Variants in GTF3C1 observed in about 807,000 individuals in gnomAD.
The protein encoded by GTF3C1 is general transcription factor IIIC subunit 1.
In GTF3C1, 57 loss-of-function variants were observed where a neutral mutation model predicts 226.7. The ratio of observed to expected loss-of-function variants is 0.25; its 90% CI spans 0.20 to 0.31. The LOEUF is 0.31. Ranked by LOEUF, GTF3C1 falls within the 10% of genes least tolerant of loss-of-function variation. GTF3C1 has a pLI of 1.00. For missense variants in GTF3C1, 2,217 were observed against 2,776.1 expected, an observed-to-expected ratio of 0.80 and a Z score of 4.53; for synonymous variants, 1,090 against 1,084.8, an observed-to-expected ratio of 1.00 and a Z score of -0.09.
At chr16:27,538,069 TTGAAA>T in intron 3 of GTF3C1, 106 bp downstream of exon 3, 1 of 1,272,282 alleles carries the variant, frequency 7.9e-7, no homozygotes, top group Non-Finnish European at 1.1e-6. Flanking sequence ...GACCACGGCC[TTGAAA>T]CAAAAAGCCA....
chr16:27,491,433 C>T (rs2088231548), intron 19 of GTF3C1, among the ~76,000 whole-genome samples: 2 of 152,188 alleles, frequency 1.3e-5, no homozygotes, highest in African/African-American at 4.8e-5. Flanking sequence ...CGACTGTGCA[C>T]CCGACACTTT....
chr16:27,492,828 C>T lies in GTF3C1; in HGVS notation c.2877-115G>A. 1.4e-6 allele frequency: 1 copy of T among 706,938 alleles called. No homozygotes were observed. Among genetic ancestry groups the T allele is most frequent in the Admixed American group, 2.1e-5 (1 of 47,562 alleles). The allele number at this position is 706,938 out of a possible 1,614,324, so 43.8% of individuals were successfully genotyped here. A position where few individuals can be genotyped will look rare whatever the true frequency, so the allele number is the denominator to read the frequency against. ...CTTCTTCTCTTTTCCACCTGGTGGT[C>T]ACTGGAGGACCAGCCTCAAGCCCAC... is the stretch of plus-strand genomic sequence containing the variant. On this transcript the variant is annotated intron_variant, in intron 17 of 36. Transcript: ENST00000356183. The surrounding 1 kb of genome is among the most constrained non-coding windows in gnomAD (Gnocchi z 5.0).
chr16:27,538,291 T>A lies in GTF3C1; in HGVS notation c.497A>T (p.Glu166Val). ...AMRYRALIGQ[E>V]GDPDLKLPDF... ...GGGCAGCTTCAGGTCGGGATCCCCC[T>A]CCTGGCCTATCAAGGCCCTGTACCG... The change falls in exon 3 of 37, where the codon GAG (glutamate) becomes GTG (valine). Residue 166 changes from glutamate (E) to valine (V), a missense_variant. This residue lies in a region of GTF3C1 where 192 missense variants were observed against 251.8 expected (regional missense o/e 0.76). Transcript: ENST00000356183. The A allele has an allele frequency of 6.2e-7, 1 of 1,607,208 alleles. No individual in the cohort carries two copies. Among genetic ancestry groups the A allele is most frequent in the South Asian group, 1.1e-5 (1 of 90,916 alleles).
rs139482772 is a variant in GTF3C1 at position 27,464,507 on chromosome 16, G to T, written c.5685C>A (p.Pro1895=). ...CATCTTCAGCTCCGGGCCCAAGGCT[G>T]GGGGCCAAATTTGAGTCCTGGAGCG... ...RPALQDSNLA[P]SLGPGAEDGA... Residue 1895 remains proline (P), a synonymous_variant, in exon 34 of 37, where the codon CCC becomes CCA. Coordinates refer to ENST00000356183, the MANE Select transcript of GTF3C1 (RefSeq NM_001520.4). The T allele has an allele frequency of 6.6e-7, 1 of 1,524,934 alleles. No individual in the cohort carries two copies. Among genetic ancestry groups the T allele is most frequent in the African/African-American group, 1.4e-5 (1 of 70,946 alleles). 94.5% of individuals were successfully genotyped at this position (1,524,934 alleles called of 1,614,324 possible). A position where few individuals can be genotyped will look rare whatever the true frequency, so the allele number is the denominator to read the frequency against.
chr16:27,478,119 T>C (rs2087980947), intron 28 of GTF3C1, among the ~76,000 whole-genome samples: 1 of 151,492 alleles, frequency 6.6e-6, no homozygotes, highest in Non-Finnish European at 1.5e-5. Flanking sequence ...TGCAGTGAGC[T>C]GAGATCAATC....
Position 27,463,401 on chromosome 16 carries a change from C to G in GTF3C1, c.5924+140G>C, listed in dbSNP as rs2087733525. ...GCCCACTGCGCCCCTCCAAGTACCC[C>G]TGCCAAGAACCAAGGTGCCGGGCAG... is the stretch of plus-strand genomic sequence containing the variant. On this transcript the variant is annotated intron_variant, in intron 35 of 36. Coordinates refer to ENST00000356183, the MANE Select transcript of GTF3C1 (RefSeq NM_001520.4). This position sits in a 1 kb window ranked among gnomAD's most constrained non-coding sequence, Gnocchi z 4.9. 1 of 680,666 alleles carries G rather than the reference C, an allele frequency of 1.5e-6. No homozygotes were observed. Among genetic ancestry groups the G allele is most frequent in the Middle Eastern group, 3.4e-4 (1 of 2,930 alleles). The allele number at this position is 680,666 out of a possible 1,614,324, so 42.2% of individuals were successfully genotyped here.
chr16:27,543,201 G>C (rs749893601), intron 2 of GTF3C1, among the ~76,000 whole-genome samples: 12 of 152,138 alleles, frequency 7.9e-5, no homozygotes, highest in Admixed American at 1.3e-4. Context: ...GCCTAGCCAA[G>C]ATGGTGAAAC....
In GTF3C1 at chr16:27,471,593, G is replaced by A; in HGVS notation, c.4526+155C>T. On this transcript the variant is annotated intron_variant, in intron 30 of 36. Coordinates refer to ENST00000356183, the MANE Select transcript of GTF3C1 (RefSeq NM_001520.4). The surrounding 1 kb of genome is among the most constrained non-coding windows in gnomAD (Gnocchi z 5.0). The stretch of plus-strand genomic sequence containing the variant: ...ATCCCCATACCACGAAGGAGGTAAG[G>A]GGCTGCAGGAAACCCAAGCCGGCAT... The A allele has an allele frequency of 3.2e-6, 2 of 633,822 alleles. No individual in the cohort carries two copies. Among genetic ancestry groups the A allele is most frequent in the South Asian group, 3.8e-5 (2 of 52,582 alleles). 39.3% of individuals were successfully genotyped at this position (633,822 alleles called of 1,614,324 possible). A position where few individuals can be genotyped will look rare whatever the true frequency, so the allele number is the denominator to read the frequency against.
chr16:27,534,745 C>A (rs1012850105), intron 4 of GTF3C1, among the ~76,000 whole-genome samples: 9 of 152,066 alleles, frequency 5.9e-5, no homozygotes, highest in African/African-American at 1.7e-4. Context: ...ATAGTATGAC[C>A]CAATTAAAAT....
chr16:27,464,348 C>T lies in GTF3C1; in HGVS notation c.5844G>A (p.Gln1948=), dbSNP rs2087750251. The T allele has an allele frequency of 6.5e-7, 1 of 1,540,518 alleles. No individual in the cohort carries two copies. ...TGGGGTCTTCAGAGCCCTCTGGAGG[C>T]TGCGCCTGGCCGCTCAGCTGCTCTT... The part of the protein sequence containing the change: ...PGQEQLSGQA[Q]PPEGSEDPRG... The change falls in exon 34 of 37, where the codon CAG becomes CAA. Residue 1948 remains glutamine, a synonymous_variant. Coordinates refer to ENST00000356183, the MANE Select transcript of GTF3C1 (RefSeq NM_001520.4).
At chr16:27,483,993 C>T (rs1171349152) in intron 25 of GTF3C1, among the ~76,000 whole-genome samples, 1 of 152,162 alleles carries the variant, frequency 6.6e-6, no homozygotes, top group African/African-American at 2.4e-5. Flanking sequence ...TTCTCATGGC[C>T]GCTATAAGGT....
chr16:27,473,923 A>C (rs1479105478), intron 29 of GTF3C1, among the ~76,000 whole-genome samples: 5 of 152,184 alleles, frequency 3.3e-5, no homozygotes, highest in Non-Finnish European at 5.9e-5. Flanking sequence ...GCCTTCTGTG[A>C]CTTTGCTCTT....
In GTF3C1 at chr16:27,471,395, TC is replaced by T. The variant is rs1167655561; in HGVS notation, c.4526+352del. 2.0e-5 allele frequency among the ~76,000 whole-genome samples: 3 copies of T among 152,170 alleles called. No homozygotes were observed. Among genetic ancestry groups the T allele is most frequent in the Non-Finnish European group, 4.4e-5 (3 of 68,038 alleles). Reference sequence around the variant, plus strand: ...ATGGGCCCAGGAGGCTTCCCAGGTCTCAGGGCTACGCGGAAGAGGGACTGAG... The same window carrying T: ...ATGGGCCCAGGAGGCTTCCCAGGTCTAGGGCTACGCGGAAGAGGGACTGAG... On this transcript the variant is annotated intron_variant, in intron 30 of 36. Coordinates refer to ENST00000356183, the MANE Select transcript of GTF3C1 (RefSeq NM_001520.4). This position sits in a 1 kb window ranked among gnomAD's most constrained non-coding sequence, Gnocchi z 5.0.
intron 6 of GTF3C1, among the ~76,000 whole-genome samples, chr16:27,527,330 T>G (rs1177130981): frequency 2.0e-5 from 3 of 152,172 alleles, no homozygotes; most frequent in Admixed American, 2.0e-4. Context: ...TACAGGCGTG[T>G]GCCACCACAC....
chr16:27,510,051 C>A (rs1258021206), intron 7 of GTF3C1, among the ~76,000 whole-genome samples: 2 of 151,988 alleles, frequency 1.3e-5, no homozygotes, highest in Non-Finnish European at 2.9e-5. Context: ...GAGTTCGAGA[C>A]CCACCTGACC....
intron 10 of GTF3C1, among the ~76,000 whole-genome samples, chr16:27,504,145 C>G (rs1390835901): frequency 6.6e-6 from 1 of 152,188 alleles, no homozygotes; most frequent in Non-Finnish European, 1.5e-5. Flanking sequence ...CAAGAGCCTC[C>G]CTGCAAACAG....
Position 27,494,867 on chromosome 16 carries a change from T to A in GTF3C1, c.2674A>T (p.Ile892Phe), listed in dbSNP as rs150452029. 1.9e-6 allele frequency: 3 copies of A among 1,613,292 alleles called. No individual in the cohort carries two copies. The highest frequency in any genetic ancestry group is 1.3e-5 in the African/African-American group (1 of 74,974). Reference protein sequence around the residue: ...DASWMRYIPPIPVHRDFGFGW... With the variant: ...DASWMRYIPPFPVHRDFGFGW... The stretch of plus-strand genomic sequence containing the variant: ...AAGCCGAAGTCCCTGTGGACTGGGA[T>A]TGGGGGGATGTAGCGCATCCACGAG... Residue 892 changes from isoleucine (I) to phenylalanine (F), a missense_variant, in exon 16 of 37, where the codon ATC becomes TTC. Transcript: ENST00000356183.
chr16:27,491,735 G>T (rs1310274697), intron 19 of GTF3C1, among the ~76,000 whole-genome samples: 1 of 75,938 alleles, frequency 1.3e-5, no homozygotes, highest in Middle Eastern at 8.1e-3. Context: ...ACCAGTGGAC[G>T]GCCACTCTCC....
intron 34 of GTF3C1, chr16:27,464,026 C>A (rs897152016): frequency 1.8e-5 from 8 of 440,354 alleles, no homozygotes; most frequent in Non-Finnish European, 2.8e-5. Context: ...GACCCCCATG[C>A]CATCACTGCC....
Sources: gnomAD v4.1 joint callset for allele counts (sites outside exome capture counted in the v4.1 genomes callset) on GRCh38, gnomAD v4.1.1 for gene constraint, gnomAD v4.1.1 regional missense constraint, Gnocchi (gnomAD v3.1) non-coding constraint, MANE v1.5 for transcripts, NCBI Gene and HGNC (gene_info 2026-07-23, HGNC 2026-07-21) for gene names.